KIF11: variants seen among roughly 807,000 people sequenced by gnomAD.
KIF11 encodes the protein kinesin-like protein KIF11.
A neutral mutation model predicts 121.0 loss-of-function variants in KIF11; 9 were observed. That is an observed-to-expected ratio of 0.07 (90% confidence interval 0.04 to 0.13). KIF11 has a LOEUF of 0.13. Ranked by LOEUF, KIF11 falls within the 10% of genes least tolerant of loss-of-function variation. KIF11 has a pLI of 1.00. For missense variants in KIF11, 846 were observed against 1,217.5 expected (o/e 0.69, Z 4.54); for synonymous variants, 408 against 421.0 (o/e 0.97, Z 0.38).
At chr10:92,653,413 A>G (rs891568098) in intron 21 of KIF11, among the ~76,000 whole-genome samples, 5 of 152,236 alleles carry the variant, frequency 3.3e-5, no homozygotes, top group Non-Finnish European at 7.3e-5. Context: ...AGTAAAATCT[A>G]TAACTATGTC....
rs751159557 is a variant in KIF11, at chr10:92,645,509, A to C, written c.2414A>C (p.Asn805Thr). ...EESVKHSDKLNGNLEKISQET... is the reference protein window; with the variant it reads ...EESVKHSDKLTGNLEKISQET... ...TCTGTGAAACACTCTGATAAACTCA[A>C]TGGCAACCTGGAAAAAATATCTCAA... The change falls in exon 18 of 22, where the codon AAT becomes ACT. Residue 805 changes from asparagine to threonine, a missense_variant. Physicochemically the swap from Asn to Thr is moderately conservative, Grantham distance 65. Transcript: ENST00000260731. The C allele has an allele frequency of 6.2e-7, 1 of 1,614,134 alleles. No individual in the cohort carries two copies. The highest frequency in any genetic ancestry group is 2.2e-5 in the East Asian group (1 of 44,854).
In KIF11 at chr10:92,649,159, GATGGTGCTAC is replaced by G. The variant is rs568160759; in HGVS notation, c.2771-673_2771-664del. ...ATTTAAAAAGCAATTGTTAAAAGGG[GATGGTGCTAC>G]ATAGAATGTTGGTTTATTTATTCCC... On this transcript the variant is annotated intron_variant, in intron 19 of 21. Coordinates refer to ENST00000260731, the MANE Select transcript of KIF11 (RefSeq NM_004523.4). Among the ~76,000 whole-genome samples, 36 of 151,936 alleles carry G rather than the reference GATGGTGCTAC, an allele frequency of 2.4e-4. 3 individuals are homozygous for G. The South Asian group carries it at 7.3e-3, about 31-fold the overall frequency.
chr10:92,608,787 A>G (rs935803318), intron 4 of KIF11, among the ~76,000 whole-genome samples: 1 of 152,202 alleles, frequency 6.6e-6, no homozygotes, highest in African/African-American at 2.4e-5. Context: ...TGTAATGCTC[A>G]GGGATGAAGA....
rs1844764194 is a variant in KIF11, at chr10:92,633,791, T to C, written c.1871T>C (p.Leu624Ser). 6.4e-7 allele frequency: 1 copy of C among 1,557,706 alleles called. No individual in the cohort carries two copies. Among genetic ancestry groups the C allele is most frequent in the Non-Finnish European group, 8.8e-7 (1 of 1,139,144 alleles). Reference protein sequence around the residue: ...AAESKTVLQELINVLKTDLLS... With the variant: ...AAESKTVLQESINVLKTDLLS... ...GAAAGTAAAACTGTACTACAGGAATTGATTGTTAGTACATCCTTTAAAATA... is the reference window on the plus strand; with the variant it reads ...GAAAGTAAAACTGTACTACAGGAATCGATTGTTAGTACATCCTTTAAAATA... The change falls in exon 14 of 22, where the codon TTG (leucine) becomes TCG (serine). Residue 624 changes from leucine to serine, a missense_variant. Around this residue, in one of 5 missense-constraint regions of KIF11, gnomAD observed 492 missense variants for 603.4 expected, o/e 0.82. Coordinates refer to ENST00000260731, the MANE Select transcript of KIF11 (RefSeq NM_004523.4).
rs1241365751 is a variant in KIF11 at position 92,637,127 on chromosome 10, G to T, written c.1876-57G>T. Reference sequence around the variant, plus strand: ...AGTATTTAAGATATCATTTAGAAAGGTTTACAGAAGTGGAAATATTCTTTT... The same window carrying T: ...AGTATTTAAGATATCATTTAGAAAGTTTTACAGAAGTGGAAATATTCTTTT... On this transcript the variant is annotated intron_variant, in intron 14 of 21. Coordinates refer to ENST00000260731, the MANE Select transcript of KIF11 (RefSeq NM_004523.4). 6.5e-6 allele frequency: 9 copies of T among 1,376,304 alleles called. No individual in the cohort carries two copies. The African/African-American group carries it at 1.4e-4, about 21-fold the overall frequency. 85.3% of individuals were successfully genotyped at this position (1,376,304 alleles called of 1,614,324 possible).
chr10:92,625,232 T>C (rs969666404), intron 10 of KIF11, among the ~76,000 whole-genome samples: 3 of 152,166 alleles, frequency 2.0e-5, no homozygotes, highest in African/African-American at 7.2e-5. Flanking sequence ...GGTGAGATGG[T>C]TTCTCATTGT....
At position 92,637,941 on chromosome 10, in the gene KIF11, T is replaced by C. The variant is rs114060980; in HGVS notation, c.2160+396T>C. ...GTCTTTCATAAACCAAGTCCTACTT[T>C]CTCTTATTTCTGTCTCACTGATAGA... On this transcript the variant is annotated intron_variant, in intron 16 of 21. Coordinates refer to ENST00000260731, the MANE Select transcript of KIF11 (RefSeq NM_004523.4). 2.6e-3 allele frequency among the ~76,000 whole-genome samples: 391 copies of C among 152,324 alleles called. 1 individual carries two copies. Among genetic ancestry groups the C allele is most frequent in the African/African-American group, 9.0e-3 (375 of 41,586 alleles).
At chr10:92,605,125 C>T (rs10882085) in intron 1 of KIF11, among the ~76,000 whole-genome samples, 47,089 of 151,910 alleles carry the variant, frequency 0.31, 8,232 homozygotes, top group East Asian at 0.67. Context: ...GGGGGAGGCA[C>T]ATAGGATAGA....
chr10:92,653,662 C>T lies in KIF11; in HGVS notation c.3040-3C>T. On this transcript the variant is annotated splice_polypyrimidine_tract_variant and splice_region_variant and intron_variant, in intron 21 of 21. Coordinates refer to ENST00000260731, the MANE Select transcript of KIF11 (RefSeq NM_004523.4). ...ACTTAATTTTCCCGCCTTAAATCCA[C>T]AGCATAAAAAATCACATGGAAAAGA... 1 of 1,609,114 alleles carries T rather than the reference C, an allele frequency of 6.2e-7. No individual in the cohort carries two copies. Among genetic ancestry groups the T allele is most frequent in the Non-Finnish European group, 8.5e-7 (1 of 1,177,750 alleles).
chr10:92,593,991 T>C (rs2135892991), intron 1 of KIF11, among the ~76,000 whole-genome samples: 1 of 152,346 alleles, frequency 6.6e-6, no homozygotes, highest in East Asian at 1.9e-4. Flanking sequence ...GTTTTCCCTT[T>C]CATCTGCGTG....
At position 92,645,192 on chromosome 10, in the gene KIF11, C is replaced by T. The variant is rs193147939; in HGVS notation, c.2268-171C>T. Among the ~76,000 whole-genome samples the T allele has an allele frequency of 4.6e-5, 7 of 152,300 alleles. No individual in the cohort carries two copies. In the East Asian group the frequency reaches 1.3e-3, roughly 29 times the overall value. ...ATTTAATGGCAATGCTGTGAAAAGA[C>T]AGTGGCCAAGGCATCCATTCTCAAT... On this transcript the variant is annotated intron_variant, in intron 17 of 21. Transcript: ENST00000260731.
chr10:92,653,086 G>A (rs891620489), intron 21 of KIF11, among the ~76,000 whole-genome samples: 3 of 152,194 alleles, frequency 2.0e-5, no homozygotes, highest in African/African-American at 7.2e-5. Context: ...AAGTAAAAGT[G>A]TTTTTAAGGT....
chr10:92,652,198 T>C (rs370676503), intron 21 of KIF11, among the ~76,000 whole-genome samples: 2 of 151,958 alleles, frequency 1.3e-5, no homozygotes, highest in South Asian at 4.2e-4. Flanking sequence ...CAGAGTGCAA[T>C]TGCCTGATCT....
chr10:92,594,855 A>C (rs914075366), intron 1 of KIF11, among the ~76,000 whole-genome samples: 2 of 149,798 alleles, frequency 1.3e-5, no homozygotes, highest in African/African-American at 5.1e-5. Flanking sequence ...ATTTACAATA[A>C]TTTTTGTGTA....
intron 14 of KIF11, among the ~76,000 whole-genome samples, chr10:92,635,766 A>C (rs566156958): frequency 3.3e-5 from 5 of 152,364 alleles, no homozygotes; most frequent in African/African-American, 1.2e-4. Flanking sequence ...TCTGTGACAC[A>C]TAGTAAGGTG....
At chr10:92,640,426 TTTTTTG>T (rs1258749763) in intron 17 of KIF11, among the ~76,000 whole-genome samples, 8 of 152,284 alleles carry the variant, frequency 5.3e-5, no homozygotes, top group Non-Finnish European at 1.0e-4. Flanking sequence ...TAGGGTTTTG[TTTTTTG>T]TTTTTGTTTT....
chr10:92,634,077 G>A (rs983172981), intron 14 of KIF11, among the ~76,000 whole-genome samples: 5 of 152,082 alleles, frequency 3.3e-5, no homozygotes, highest in Non-Finnish European at 5.9e-5. Flanking sequence ...TCTACCTCCC[G>A]GGTTCATGCC....
At chr10:92,636,132 T>G (rs1844792809) in intron 14 of KIF11, among the ~76,000 whole-genome samples, 1 of 152,244 alleles carries the variant, frequency 6.6e-6, no homozygotes, top group Non-Finnish European at 1.5e-5. Flanking sequence ...TCTTCAAAGT[T>G]AAGTACTTCC....
chr10:92,597,491 C>T (rs796454893), intron 1 of KIF11, among the ~76,000 whole-genome samples: 1 of 151,946 alleles, frequency 6.6e-6, no homozygotes, highest in Non-Finnish European at 1.5e-5. Flanking sequence ...TCTTGAACTA[C>T]TGGCCTCAAG....
Sources: gnomAD v4.1 joint callset for allele counts (sites outside exome capture counted in the v4.1 genomes callset) on GRCh38, gnomAD v4.1.1 for gene constraint, gnomAD v4.1.1 regional missense constraint, MANE v1.5 for transcripts, NCBI Gene and HGNC (gene_info 2026-07-23, HGNC 2026-07-21) for gene names.